DRC9: variants seen among roughly 807,000 people sequenced by gnomAD.
DRC9 encodes dynein regulatory complex subunit 9.
the DRC9 span, among the ~76,000 whole-genome samples, chr3:197,904,671 G>A: frequency 9.9e-5 from 15 of 152,006 alleles, no homozygotes; most frequent in African/African-American, 3.6e-4. Context: ...GAACAGCCTG[G>A]CCAATATGGA....
chr3:197,942,838 G>A, the DRC9 span, among the ~76,000 whole-genome samples: 1 of 151,120 alleles, frequency 6.6e-6, no homozygotes, highest in African/African-American at 2.4e-5. Context: ...AACCCGGGAG[G>A]CGGAGGTTGC....
chr3:197,945,161 G>C, the DRC9 span, among the ~76,000 whole-genome samples: 1 of 152,294 alleles, frequency 6.6e-6, no homozygotes, highest in East Asian at 1.9e-4. Flanking sequence ...GACTTGCAAG[G>C]CTAGGTGATA....
chr3:197,956,640 T>TTTTTTTTTTTTTTTTA, the DRC9 span: 4 of 150,982 alleles, frequency 2.6e-5, no homozygotes, highest in African/African-American at 4.9e-5. Context: ...TTTTTTTTTT[T>TTTTTTTTTTTTTTTTA]GAAGACAAGG....
chr3:197,911,196 C>G, the DRC9 span, among the ~76,000 whole-genome samples: 3 of 152,066 alleles, frequency 2.0e-5, no homozygotes, highest in African/African-American at 7.2e-5. Context: ...AATAAAACAA[C>G]TCATTAAATT....
the DRC9 span, among the ~76,000 whole-genome samples, chr3:197,896,372 T>C: frequency 6.6e-6 from 1 of 151,802 alleles, no homozygotes; most frequent in Non-Finnish European, 1.5e-5. Context: ...TAACAGGTGG[T>C]ATACAGATAT....
the DRC9 span, chr3:197,957,972 T>A: frequency 1.3e-5 from 2 of 152,220 alleles, no homozygotes; most frequent in Non-Finnish European, 2.9e-5. Context: ...AAAACTAAAA[T>A]GCCACATGAG....
At chr3:197,957,809 A>C in the DRC9 span, 1 of 152,232 alleles carries the variant, frequency 6.6e-6, no homozygotes, top group Non-Finnish European at 1.5e-5. Context: ...AGATGTGATC[A>C]GTAGTACTCG....
the DRC9 span, among the ~76,000 whole-genome samples, chr3:197,948,932 C>T: frequency 3.9e-5 from 6 of 152,154 alleles, no homozygotes; most frequent in East Asian, 1.2e-3. Context: ...CCTTGCCTCC[C>T]TTCACTTTCA....
the DRC9 span, among the ~76,000 whole-genome samples, chr3:197,933,270 G>A: frequency 1.3e-5 from 2 of 151,142 alleles, no homozygotes; most frequent in Non-Finnish European, 2.9e-5. Context: ...GTGAAACCTC[G>A]TCTCTACTAA....
At chr3:197,932,527 C>G in the DRC9 span, among the ~76,000 whole-genome samples, 3,017 of 151,428 alleles carry the variant, frequency 0.02, 107 homozygotes, top group African/African-American at 0.07. Flanking sequence ...CCCAGCTACT[C>G]GGAAGGCTGA....
chr3:197,902,129 C>G, the DRC9 span, among the ~76,000 whole-genome samples: 793 of 152,324 alleles, frequency 5.2e-3, 7 homozygotes, highest in African/African-American at 0.017. Flanking sequence ...AAGGTGATAC[C>G]TCTACATGTC....
the DRC9 span, among the ~76,000 whole-genome samples, chr3:197,932,673 T>A: frequency 7.8e-5 from 11 of 140,562 alleles, no homozygotes; most frequent in East Asian, 1.4e-3. Flanking sequence ...AAATAAATAA[T>A]ATTTTCAGGC....
chr3:197,916,749 A>C, the DRC9 span, among the ~76,000 whole-genome samples: 1 of 152,182 alleles, frequency 6.6e-6, no homozygotes, highest in East Asian at 1.9e-4. Context: ...AAGAAAAAAC[A>C]AAGTGGTAAT....
chr3:197,954,375 C>T, the DRC9 span: 4 of 574,584 alleles, frequency 7.0e-6, no homozygotes, highest in Non-Finnish European at 1.2e-5. Context: ...ACTTTGTCAC[C>T]CAGGCTGGGG....
chr3:197,932,646 T>C, the DRC9 span, among the ~76,000 whole-genome samples: 8 of 147,430 alleles, frequency 5.4e-5, no homozygotes, highest in Admixed American at 5.5e-4. Flanking sequence ...AATAAATAAA[T>C]AAATAAATAA....
the DRC9 span, among the ~76,000 whole-genome samples, chr3:197,907,661 T>C: frequency 6.6e-6 from 1 of 152,256 alleles, no homozygotes; most frequent in Non-Finnish European, 1.5e-5. Flanking sequence ...GATTTGACCC[T>C]AGTTATGGAT....
chr3:197,947,721 G>A, the DRC9 span, among the ~76,000 whole-genome samples: 2 of 152,194 alleles, frequency 1.3e-5, no homozygotes, highest in South Asian at 4.1e-4. Context: ...TCCAGAAAGA[G>A]ATTCAGTGTA....
the DRC9 span, chr3:197,950,870 C>T: frequency 1.6e-4 from 247 of 1,498,302 alleles, 1 homozygote; most frequent in South Asian, 8.2e-4. Flanking sequence ...GGGGCTTAAA[C>T]GAGAGGGGAC....
chr3:197,913,873 G>A, the DRC9 span: 2 of 1,613,962 alleles, frequency 1.2e-6, no homozygotes, highest in Non-Finnish European at 1.7e-6. Context: ...TAATGTCCCA[G>A]GGATTACCTC....
Sources: allele counts gnomAD v4.1 joint callset (sites outside exome capture counted in the v4.1 genomes callset), GRCh38; gene constraint gnomAD v4.1.1; transcripts MANE v1.5; gene names NCBI Gene and HGNC (gene_info 2026-07-23, HGNC 2026-07-21).